The following RIPK1 variants were observed in gnomAD, a reference collection of about 807,000 sequenced individuals.
RIPK1 encodes the protein receptor interacting serine/threonine kinase 1.
In RIPK1, 27 loss-of-function variants were observed where a neutral mutation model predicts 62.4. The ratio of observed to expected loss-of-function variants is 0.43; its 90% CI spans 0.32 to 0.60. RIPK1 has a LOEUF of 0.60. Ranked by LOEUF, RIPK1 falls within the 20% of genes least tolerant of loss-of-function variation. The pLI is 0.07. For missense variants in RIPK1, 735 were observed against 831.0 expected (o/e 0.88, Z 1.42); for synonymous variants, 287 against 303.2 (o/e 0.95, Z 0.55).
At chr6:3,081,599 G>A (rs1486744235) in intron 4 of RIPK1, among the ~76,000 whole-genome samples, 1 of 152,038 alleles carries the variant, frequency 6.6e-6, no homozygotes, top group Admixed American at 6.6e-5. Flanking sequence ...AGTGGCCCAC[G>A]CCTGTTATCT....
intron 4 of RIPK1, among the ~76,000 whole-genome samples, chr6:3,082,475 G>A (rs1275614889): frequency 1.1e-4 from 16 of 152,116 alleles, no homozygotes; most frequent in African/African-American, 3.9e-4. Context: ...CTTGTTCTGT[G>A]TCTGACCTTG....
At chr6:3,111,910 G>C (rs143204451) in intron 10 of RIPK1, among the ~76,000 whole-genome samples, 1 of 152,228 alleles carries the variant, frequency 6.6e-6, no homozygotes, top group African/African-American at 2.4e-5. Context: ...TAGAGAGAGA[G>C]CCACATCACA....
Position 3,110,900 on chromosome 6 carries a change from C to G in RIPK1, c.1674C>G (p.Asp558Glu), listed in dbSNP as rs757998172. The G allele has an allele frequency of 6.2e-7, 1 of 1,613,374 alleles. No individual in the cohort carries two copies. Among genetic ancestry groups the G allele is most frequent in the Non-Finnish European group, 8.5e-7 (1 of 1,179,416 alleles). Residue 558 changes from aspartate to glutamate, a missense_variant, in exon 10 of 11, where the codon GAC becomes GAG. Asp to Glu is a conservative substitution (Grantham distance 45). Transcript: ENST00000259808. ...EIGGTSSSLL[D>E]STNTNFKEEP... ...GTGGGACGAGTTCATCACTACTAGA[C>G]AGCACAAATACGAACTTCAAAGAAG...
At chr6:3,108,804 G>A (rs1356614130) in intron 9 of RIPK1, among the ~76,000 whole-genome samples, 2 of 152,158 alleles carry the variant, frequency 1.3e-5, no homozygotes, top group African/African-American at 4.8e-5. Context: ...CAGATGGCGT[G>A]TGTGTGCACA....
chr6:3,114,978 A>G lies in RIPK1; in HGVS notation c.*1639A>G, dbSNP rs543207584. The G allele has an allele frequency of 1.3e-4, 20 of 152,248 alleles. No individual in the cohort carries two copies. Among genetic ancestry groups the G allele is most frequent in the African/African-American group, 4.6e-4 (19 of 41,540 alleles). 9.4% of individuals were successfully genotyped at this position (152,248 alleles called of 1,614,324 possible). The stretch of plus-strand genomic sequence containing the variant: ...TCCGGTTACTACTTGGCCACCACGC[A>G]GCCTTGGCTCCTACAGCCCAAAAGG... On this transcript the variant is annotated 3_prime_UTR_variant, in exon 11 of 11. Transcript: ENST00000259808. This position sits in a 1 kb window ranked among gnomAD's most constrained non-coding sequence, Gnocchi z 5.0.
chr6:3,077,648 C>G, intron 2 of RIPK1, 131 bp from the exon 3 acceptor site: 1 of 950,718 alleles, frequency 1.1e-6, no homozygotes, highest in Non-Finnish European at 1.5e-6. Context: ...CGCTTCTGGC[C>G]TGTGCCTGGA....
intron 1 of RIPK1, among the ~76,000 whole-genome samples, chr6:3,073,210 T>C (rs932073395): frequency 7.2e-6 from 1 of 139,398 alleles, no homozygotes; most frequent in Non-Finnish European, 1.6e-5. Flanking sequence ...CACATACAAA[T>C]ATGTGTATAT....
rs1758813872 is a variant in RIPK1, at chr6:3,072,977, C to T, written c.-60-3787C>T. 6.6e-6 allele frequency among the ~76,000 whole-genome samples: 1 copy of T among 152,156 alleles called. No individual in the cohort carries two copies. Among genetic ancestry groups the T allele is most frequent in the South Asian group, 2.1e-4 (1 of 4,836 alleles). ...GGCCCTGCTGACAGAGTGATCCCAG[C>T]TGAGAATGTTGGCATTCTCAAAGCC... is the stretch of plus-strand genomic sequence containing the variant. On this transcript the variant is annotated intron_variant, in intron 1 of 10. Transcript: ENST00000259808. This position sits in a 1 kb window ranked among gnomAD's most constrained non-coding sequence, Gnocchi z 5.6.
At chr6:3,101,275 C>T (rs548220468) in intron 7 of RIPK1, among the ~76,000 whole-genome samples, 5 of 152,006 alleles carry the variant, frequency 3.3e-5, no homozygotes, top group African/African-American at 1.2e-4. Context: ...AACAAAAAAC[C>T]CTTTTCATGT....
At chr6:3,077,979 C>T in intron 3 of RIPK1, 44 bp downstream of exon 3, 1 of 1,601,326 alleles carries the variant, frequency 6.2e-7, no homozygotes, top group South Asian at 1.1e-5. Context: ...CGCTTGGGCC[C>T]TGGCTGTCTG....
chr6:3,095,223 T>C (rs1485826484), intron 7 of RIPK1, among the ~76,000 whole-genome samples: 1 of 152,200 alleles, frequency 6.6e-6, no homozygotes, highest in Non-Finnish European at 1.5e-5. Flanking sequence ...GACCAATGTC[T>C]TTAAAAAGTT....
intron 9 of RIPK1, among the ~76,000 whole-genome samples, chr6:3,109,318 G>A (rs374610429): frequency 2.8e-4 from 43 of 152,262 alleles, no homozygotes; most frequent in African/African-American, 9.4e-4. Flanking sequence ...GGAGAAGCAC[G>A]TGGGGAGGTC....
intron 7 of RIPK1, among the ~76,000 whole-genome samples, chr6:3,098,063 G>T (rs1410333762): frequency 6.6e-6 from 1 of 152,166 alleles, no homozygotes; most frequent in African/African-American, 2.4e-5. Flanking sequence ...GCTGGGCGTG[G>T]TGGTGCCCAC....
Position 3,113,028 on chromosome 6 carries a change from C to T in RIPK1, c.1730-25C>T. On this transcript the variant is annotated intron_variant, in intron 10 of 10. Coordinates refer to ENST00000259808, the MANE Select transcript of RIPK1 (RefSeq NM_001354930.2). The surrounding 1 kb of genome is among the most constrained non-coding windows in gnomAD (Gnocchi z 5.0). ...TGTTTGAATGGGTTTTAGCTTGATA[C>T]CTTCTTCTTTTTCCCATTTGGCAGA... 6.6e-7 allele frequency: 1 copy of T among 1,512,784 alleles called. No homozygotes were observed. Among genetic ancestry groups the T allele is most frequent in the Non-Finnish European group, 8.8e-7 (1 of 1,130,200 alleles). 93.7% of individuals were successfully genotyped at this position (1,512,784 alleles called of 1,614,324 possible). A position where few individuals can be genotyped will look rare whatever the true frequency, so the allele number is the denominator to read the frequency against.
rs113605768 is a variant in RIPK1, at chr6:3,113,038, T to C, written c.1730-15T>C. The C allele has an allele frequency of 5.2e-4, 791 of 1,518,084 alleles. 6 individuals carry two copies. The African/African-American group carries it at 9.3e-3, about 18-fold the overall frequency. The allele number at this position is 1,518,084 out of a possible 1,614,324, so 94.0% of individuals were successfully genotyped here. A position where few individuals can be genotyped will look rare whatever the true frequency, so the allele number is the denominator to read the frequency against. Reference sequence around the variant, plus strand: ...GGTTTTAGCTTGATACCTTCTTCTTTTTCCCATTTGGCAGATAATACCACT... The same window carrying C: ...GGTTTTAGCTTGATACCTTCTTCTTCTTCCCATTTGGCAGATAATACCACT... On this transcript the variant is annotated splice_polypyrimidine_tract_variant and intron_variant, in intron 10 of 10. Coordinates refer to ENST00000259808, the MANE Select transcript of RIPK1 (RefSeq NM_001354930.2). The surrounding 1 kb of genome is among the most constrained non-coding windows in gnomAD (Gnocchi z 5.0).
chr6:3,068,874 G>T (rs1298117211), intron 1 of RIPK1: 1 of 183,002 alleles, frequency 5.5e-6, no homozygotes, highest in Non-Finnish European at 1.0e-5. Context: ...TCGGGTGCTT[G>T]CGTGGAGGCC....
intron 7 of RIPK1, among the ~76,000 whole-genome samples, chr6:3,097,976 G>A (rs1444096008): frequency 2.0e-5 from 3 of 152,070 alleles, no homozygotes; most frequent in South Asian, 2.1e-4. Context: ...TGGGAGGATC[G>A]CTTGAGGCCA....
chr6:3,088,247 C>T (rs1759834844), intron 6 of RIPK1, among the ~76,000 whole-genome samples: 1 of 152,246 alleles, frequency 6.6e-6, no homozygotes, highest in Non-Finnish European at 1.5e-5. Context: ...CCTCTCGACT[C>T]AGCCCTTATT....
At chr6:3,095,620 G>C (rs1370245845) in intron 7 of RIPK1, among the ~76,000 whole-genome samples, 1 of 152,132 alleles carries the variant, frequency 6.6e-6, no homozygotes, top group Non-Finnish European at 1.5e-5. Flanking sequence ...AGAATGCAAA[G>C]TTAGTTTAAC....
Sources: gnomAD v4.1 joint callset for allele counts (sites outside exome capture counted in the v4.1 genomes callset) on GRCh38, gnomAD v4.1.1 for gene constraint, Gnocchi (gnomAD v3.1) non-coding constraint, MANE v1.5 for transcripts, NCBI Gene and HGNC (gene_info 2026-07-23, HGNC 2026-07-21) for gene names.